Variants in ST8SIA1 observed in about 807,000 individuals in gnomAD.
ST8SIA1 encodes the protein alpha-N-acetylneuraminide alpha-2,8-sialyltransferase.
A neutral mutation model predicts 35.9 loss-of-function variants in ST8SIA1; 16 were observed. That is an observed-to-expected ratio of 0.45 (90% CI 0.30 to 0.68). The LOEUF (loss-of-function observed/expected upper bound fraction) is 0.68. Among genes scored for constraint, ST8SIA1 ranks in the 30% least tolerant of loss-of-function variants. The pLI, the probability that ST8SIA1 is intolerant of heterozygous loss-of-function variation, is 0.09. For missense variants in ST8SIA1, 383 were observed against 453.6 expected (o/e 0.84, Z 1.41); for synonymous variants, 170 against 169.6 (o/e 1.00, Z -0.02).
intron 1 of ST8SIA1, among the ~76,000 whole-genome samples, chr12:22,297,343 T>C (rs1184622911): frequency 1.3e-5 from 2 of 150,822 alleles, no homozygotes; most frequent in East Asian, 3.9e-4. Context: ...CATGGACTCA[T>C]CCCAGCTGCA....
chr12:22,262,827 G>A (rs1362601), intron 2 of ST8SIA1, among the ~76,000 whole-genome samples: 85,200 of 151,982 alleles, frequency 0.56, 24,383 homozygotes, highest in Middle Eastern at 0.76. Context: ...TCATGCATTG[G>A]TATGAAATCA....
chr12:22,290,395 G>A (rs910512141), intron 1 of ST8SIA1, among the ~76,000 whole-genome samples: 1 of 152,194 alleles, frequency 6.6e-6, no homozygotes, highest in African/African-American at 2.4e-5. Context: ...ACCAGCTGCA[G>A]TACTAATAGT....
intron 4 of ST8SIA1, among the ~76,000 whole-genome samples, chr12:22,205,150 T>G (rs1270380325): frequency 1.3e-5 from 2 of 152,220 alleles, no homozygotes; most frequent in African/African-American, 4.8e-5. Context: ...TTCAAAAGTC[T>G]TCTTTGAATT....
chr12:22,255,438 G>T lies in ST8SIA1; in HGVS notation c.382-49C>A, dbSNP rs575538370. 2.4e-5 allele frequency: 35 copies of T among 1,471,424 alleles called. No homozygotes were observed. In the South Asian group the frequency reaches 2.6e-4, roughly 11 times the overall value. The allele number at this position is 1,471,424 out of a possible 1,614,324, so 91.1% of individuals were successfully genotyped here. On this transcript the variant is annotated intron_variant, in intron 2 of 4. Transcript: ENST00000396037. Reference sequence around the variant, plus strand: ...TTTTCACTGCAAAGAACACACAACCGCTCACAAAATCATTGTTTACAGCAG... The same window carrying T: ...TTTTCACTGCAAAGAACACACAACCTCTCACAAAATCATTGTTTACAGCAG...
At position 22,266,848 on chromosome 12, in the gene ST8SIA1, TACACACACACACAC is replaced by T. The variant is rs145606826; in HGVS notation, c.382-11473_382-11460del. Among the ~76,000 whole-genome samples, 748 of 145,050 alleles carry T rather than the reference TACACACACACACAC, an allele frequency of 5.2e-3. 7 individuals carry two copies. Among genetic ancestry groups the T allele is most frequent in the Non-Finnish European group, 8.8e-3 (586 of 66,224 alleles). ...ACACCCACACACATACACAAAAGTATACACACACACACACACACACACACACACACACATATACA... is the reference window on the plus strand; with the variant it reads ...ACACCCACACACATACACAAAAGTATACACACACACACACACACATATACA... On this transcript the variant is annotated intron_variant, in intron 2 of 4. Transcript: ENST00000396037.
intron 1 of ST8SIA1, among the ~76,000 whole-genome samples, chr12:22,304,037 C>T (rs1296733827): frequency 6.6e-6 from 1 of 152,242 alleles, no homozygotes; most frequent in African/African-American, 2.4e-5. Context: ...TCTCACGCTG[C>T]TGTTCCATAG....
chr12:22,287,263 G>A lies in ST8SIA1; in HGVS notation c.267C>T (p.Ala89=), dbSNP rs1866111793. Residue 89 remains alanine (A), a synonymous_variant, in exon 2 of 5, where the codon GCC becomes GCT. Coordinates refer to ENST00000396037, the MANE Select transcript of ST8SIA1 (RefSeq NM_003034.4). ...RKQMEDCCDP[A]HLFAMTKMNS... ...TCATTTTAGTCATAGCAAAGAGATG[G>A]GCAGGGTCGCAGCAGTCTTCCATTT... 4 of 1,613,838 alleles carry A rather than the reference G, an allele frequency of 2.5e-6. No homozygotes were observed. Among genetic ancestry groups the A allele is most frequent in the Non-Finnish European group, 3.4e-6 (4 of 1,179,950 alleles).
chr12:22,326,247 TTGAA>T (rs1275655319), intron 1 of ST8SIA1: 1 of 197,626 alleles, frequency 5.1e-6, no homozygotes, highest in African/African-American at 2.3e-5. Flanking sequence ...GCAAATGTGG[TTGAA>T]TGAATGATTG....
chr12:22,201,664 C>A lies in ST8SIA1; in HGVS notation c.959G>T (p.Gly320Val), dbSNP rs759736888. 6.8e-6 allele frequency: 11 copies of A among 1,613,972 alleles called. No homozygotes were observed. Residue 320 changes from glycine (G) to valine (V), a missense_variant, in exon 5 of 5, where the codon GGC (glycine) becomes GTC (valine). Physicochemically the swap from Gly to Val is moderately radical, Grantham distance 109 (BLOSUM62 -3). Coordinates refer to ENST00000396037, the MANE Select transcript of ST8SIA1 (RefSeq NM_003034.4). Reference sequence around the variant, plus strand: ...AAATTCCTCGGGCATGGCATGGAAGCCAGAAAAGGGTAAGACGTTGTCATA... The same window carrying A: ...AAATTCCTCGGGCATGGCATGGAAGACAGAAAAGGGTAAGACGTTGTCATA... ...HYYDNVLPFS[G>V]FHAMPEEFLQ...
chr12:22,257,378 ATTTTT>A (rs34136511), intron 2 of ST8SIA1, among the ~76,000 whole-genome samples: 1 of 118,600 alleles, frequency 8.4e-6, no homozygotes, highest in Admixed American at 9.0e-5. Context: ...TGCCCAGCTA[ATTTTT>A]TTTTTTTTTT....
At chr12:22,209,100 A>G (rs913999564) in intron 4 of ST8SIA1, among the ~76,000 whole-genome samples, 2 of 152,224 alleles carry the variant, frequency 1.3e-5, no homozygotes, top group Non-Finnish European at 2.9e-5. Flanking sequence ...AAAAATTGTT[A>G]AACATGACTG....
At chr12:22,307,620 CT>C (rs1342764792) in intron 1 of ST8SIA1, among the ~76,000 whole-genome samples, 1 of 152,210 alleles carries the variant, frequency 6.6e-6, no homozygotes, top group Non-Finnish European at 1.5e-5. Flanking sequence ...ACAGAACTGA[CT>C]TCCTTTTACT....
chr12:22,285,915 T>A (rs1050724375), intron 2 of ST8SIA1, among the ~76,000 whole-genome samples: 1 of 131,454 alleles, frequency 7.6e-6, no homozygotes, highest in South Asian at 2.5e-4. Context: ...CCATGCATTA[T>A]CTAAGTTGAT....
chr12:22,223,555 G>C, intron 4 of ST8SIA1: 16 of 1,052,534 alleles, frequency 1.5e-5, no homozygotes, highest in Non-Finnish European at 1.6e-5. Flanking sequence ...TAAATGAGGA[G>C]ACAGGGGCCC....
intron 4 of ST8SIA1, among the ~76,000 whole-genome samples, chr12:22,228,425 T>C (rs1322184964): frequency 6.6e-6 from 1 of 152,220 alleles, no homozygotes; most frequent in Non-Finnish European, 1.5e-5. Context: ...CTCTTGTAGA[T>C]TTTTTTGTCT....
chr12:22,301,790 C>CA (rs1866321250), intron 1 of ST8SIA1, among the ~76,000 whole-genome samples: 1 of 152,108 alleles, frequency 6.6e-6, no homozygotes, highest in South Asian at 2.1e-4. Context: ...TAAAGAATGT[C>CA]ACTTTCTGGC....
intron 4 of ST8SIA1, among the ~76,000 whole-genome samples, chr12:22,204,273 AT>A (rs1454421867): frequency 6.6e-6 from 1 of 152,152 alleles, no homozygotes; most frequent in Admixed American, 6.6e-5. Context: ...ACTAAGGTAT[AT>A]TTTACAAATA....
intron 3 of ST8SIA1, among the ~76,000 whole-genome samples, chr12:22,250,516 A>G (rs552785976): frequency 9.2e-5 from 14 of 152,282 alleles, no homozygotes; most frequent in African/African-American, 3.1e-4. Flanking sequence ...CTTCAACCAT[A>G]TGTCTAACTT....
chr12:22,325,916 T>C, intron 1 of ST8SIA1: 2 of 699,922 alleles, frequency 2.9e-6, no homozygotes, highest in Non-Finnish European at 5.2e-6. Context: ...GCAGCAAGTG[T>C]CAACAGTGTG....
Sources: allele counts gnomAD v4.1 joint callset (sites outside exome capture counted in the v4.1 genomes callset), GRCh38; gene constraint gnomAD v4.1.1; transcripts MANE v1.5; gene names NCBI Gene and HGNC (gene_info 2026-07-23, HGNC 2026-07-21).